The following GRIK1 variants were observed in gnomAD, a reference collection of about 807,000 sequenced individuals.
GRIK1 encodes glutamate ionotropic receptor kainate type subunit 1, also known as glutamate receptor ionotropic, kainate 1.
Under a neutral mutation model 105.7 loss-of-function variants are expected in GRIK1, and 69 were observed. That is an observed-to-expected ratio of 0.65 (90% CI 0.54 to 0.80). The LOEUF (loss-of-function observed/expected upper bound fraction) is 0.80, where lower values mean the gene tolerates loss of function less well. Among genes scored for constraint, GRIK1 ranks in the 30% least tolerant of loss-of-function variants. GRIK1 has a pLI of 0.00. For missense variants in GRIK1, 1,109 were observed against 1,167.3 expected (o/e 0.95, Z 0.73); for synonymous variants, 438 against 431.3 (o/e 1.02, Z -0.19).
chr21:29,571,540 G>C (rs1362669441), intron 14 of GRIK1, among the ~76,000 whole-genome samples: 1 of 152,106 alleles, frequency 6.6e-6, no homozygotes, highest in Admixed American at 6.6e-5. Flanking sequence ...GCCAAGTCTA[G>C]GAGAAAAAGT....
rs773051065 is a variant in GRIK1, at chr21:29,596,505, AGTT to A, written c.1251+18_1251+20del. On this transcript the variant is annotated intron_variant, in intron 9 of 17. Coordinates refer to ENST00000327783, the MANE Select transcript of GRIK1 (RefSeq NM_001330994.2). ...CCCATCCCACCCCCAGGTTTCCTGC[AGTT>A]GTTGTCAGAGTACAAACCTTCTTCC... is the stretch of plus-strand genomic sequence containing the variant. 77 of 1,553,426 alleles carry A rather than the reference AGTT, an allele frequency of 5.0e-5. 1 individual carries two copies. In the African/African-American group the frequency reaches 8.0e-4, roughly 16 times the overall value.
chr21:29,796,535 T>C (rs1489395624), intron 1 of GRIK1, among the ~76,000 whole-genome samples: 1 of 152,208 alleles, frequency 6.6e-6, no homozygotes, highest in Non-Finnish European at 1.5e-5. Context: ...TAAGCTATTT[T>C]GTAACTTTAG....
chr21:29,792,216 CTTAGA>C (rs1456410534), intron 1 of GRIK1, among the ~76,000 whole-genome samples: 1 of 151,854 alleles, frequency 6.6e-6, no homozygotes, highest in African/African-American at 2.4e-5. Flanking sequence ...ATGTATATAG[CTTAGA>C]TAAGTTCAGC....
intron 9 of GRIK1, among the ~76,000 whole-genome samples, chr21:29,593,353 G>T (rs186827810): frequency 6.6e-6 from 1 of 152,122 alleles, no homozygotes; most frequent in South Asian, 2.1e-4. Flanking sequence ...CACATTATAC[G>T]TCTAATGGTT....
intron 1 of GRIK1, among the ~76,000 whole-genome samples, chr21:29,779,863 G>A (rs886710537): frequency 6.6e-6 from 1 of 152,132 alleles, no homozygotes; most frequent in African/African-American, 2.4e-5. Flanking sequence ...TAGTGAGATT[G>A]GTGAAGGCTA....
intron 16 of GRIK1, chr21:29,553,777 G>A: frequency 9.5e-7 from 1 of 1,048,056 alleles, no homozygotes; most frequent in Non-Finnish European, 1.4e-6. Context: ...ATGTTTAAAT[G>A]AAAATTTACA....
intron 1 of GRIK1, among the ~76,000 whole-genome samples, chr21:29,764,800 A>T (rs1601634192): frequency 6.6e-6 from 1 of 152,210 alleles, no homozygotes; most frequent in African/African-American, 2.4e-5. Context: ...CTTCCTTTTG[A>T]TAGTTTGGAT....
At chr21:29,742,444 T>A (rs1267026311) in intron 1 of GRIK1, among the ~76,000 whole-genome samples, 1 of 152,192 alleles carries the variant, frequency 6.6e-6, no homozygotes, top group Non-Finnish European at 1.5e-5. Context: ...ACACTGTATA[T>A]TACTGAGTCA....
At chr21:29,629,226 G>GTGTGTGTGTGTGTGTGTGTT (rs1405000278) in intron 7 of GRIK1, among the ~76,000 whole-genome samples, 5 of 150,570 alleles carry the variant, frequency 3.3e-5, no homozygotes, top group African/African-American at 1.2e-4. Flanking sequence ...GTGTGTGTGT[G>GTGTGTGTGTGTGTGTGTGTT]TGTGTGTGCT....
intron 1 of GRIK1, among the ~76,000 whole-genome samples, chr21:29,924,340 AAAAAAAAAG>A (rs1421449632): frequency 6.3e-4 from 96 of 151,886 alleles, no homozygotes; most frequent in Middle Eastern, 3.4e-3. Context: ...GGCTCAAAAA[AAAAAAAAAG>A]AAAAAAAAGA....
At chr21:29,745,909 C>T (rs1005684887) in intron 1 of GRIK1, among the ~76,000 whole-genome samples, 5 of 152,120 alleles carry the variant, frequency 3.3e-5, no homozygotes, top group Admixed American at 6.6e-5. Flanking sequence ...CGAGACCATC[C>T]TGGCTAACAC....
chr21:29,822,055 G>A (rs1293740454), intron 1 of GRIK1, among the ~76,000 whole-genome samples: 1 of 151,988 alleles, frequency 6.6e-6, no homozygotes, highest in Non-Finnish European at 1.5e-5. Flanking sequence ...TCTTTTGAGG[G>A]GAGGTAGTTT....
intron 1 of GRIK1, chr21:29,748,222 C>T (rs780698393): frequency 2.0e-5 from 3 of 152,176 alleles, no homozygotes; most frequent in Non-Finnish European, 4.4e-5. Flanking sequence ...CAAGCTTGTC[C>T]AAGTCAGTTT....
chr21:29,845,058 T>G (rs1245662410), intron 1 of GRIK1, among the ~76,000 whole-genome samples: 2 of 152,174 alleles, frequency 1.3e-5, no homozygotes, highest in African/African-American at 4.8e-5. Context: ...ATGTGAGATA[T>G]TTTCCTTATC....
intron 1 of GRIK1, among the ~76,000 whole-genome samples, chr21:29,841,216 A>G (rs1262319382): frequency 6.6e-6 from 1 of 152,198 alleles, no homozygotes; most frequent in African/African-American, 2.4e-5. Flanking sequence ...CCCACTGTCA[A>G]TAGAAAATCA....
At chr21:29,538,094 A>T (rs1251012732) in intron 16 of GRIK1, among the ~76,000 whole-genome samples, 2 of 152,194 alleles carry the variant, frequency 1.3e-5, no homozygotes, top group Admixed American at 6.5e-5. Context: ...CAATATATAT[A>T]ATCTGCATTG....
At chr21:29,662,018 G>A (rs1351838867) in intron 4 of GRIK1, among the ~76,000 whole-genome samples, 1 of 152,148 alleles carries the variant, frequency 6.6e-6, no homozygotes, top group Non-Finnish European at 1.5e-5. Flanking sequence ...CTAAAGAAAA[G>A]CAAAAGATAT....
intron 1 of GRIK1, among the ~76,000 whole-genome samples, chr21:29,767,863 C>CAT (rs1429001528): frequency 1.1e-5 from 1 of 91,572 alleles, no homozygotes; most frequent in South Asian, 5.1e-4. Flanking sequence ...AGCTGAAATT[C>CAT]ATGTGTGTGT....
At chr21:29,877,877 A>T (rs906421928) in intron 1 of GRIK1, among the ~76,000 whole-genome samples, 4 of 152,160 alleles carry the variant, frequency 2.6e-5, no homozygotes, top group African/African-American at 9.7e-5. Flanking sequence ...CATGCTCCCC[A>T]ATCGAGTAAG....
Sources: allele counts gnomAD v4.1 joint callset (sites outside exome capture counted in the v4.1 genomes callset), GRCh38; gene constraint gnomAD v4.1.1; transcripts MANE v1.5; gene names NCBI Gene and HGNC (gene_info 2026-07-23, HGNC 2026-07-21).